TPCN2: variants seen among roughly 807,000 people sequenced by gnomAD.
The protein encoded by TPCN2 is two pore segment channel 2.
Under a neutral mutation model 111.4 loss-of-function variants are expected in TPCN2, and 92 were observed. That is an observed-to-expected ratio of 0.83 (90% CI 0.70 to 0.98). The LOEUF (loss-of-function observed/expected upper bound fraction) is 0.98, where lower values mean the gene tolerates loss of function less well. Ranked by LOEUF, TPCN2 falls within the 50% of genes least tolerant of loss-of-function variation. The pLI is 0.00. For synonymous variants in TPCN2, 405 were observed against 414.5 expected (o/e 0.98, Z 0.28); for missense variants, 995 against 980.1 (o/e 1.02, Z -0.20).
At chr11:69,085,343 G>GGGGGGGGGGGGGC in intron 20 of TPCN2, 57 bp downstream of exon 20, 4 of 581,792 alleles carry the variant, frequency 6.9e-6, no homozygotes, top group African/African-American at 1.9e-5. Context: ...GGGTGGGCGG[G>GGGGGGGGGGGGGC]AAGCCTTGGC....
intron 18 of TPCN2, among the ~76,000 whole-genome samples, chr11:69,082,701 TG>T (rs1246165385): frequency 4.2e-4 from 44 of 105,452 alleles, no homozygotes; most frequent in African/African-American, 1.5e-3. Flanking sequence ...TGATCGTGTG[TG>T]CACACATCGC....
intron 19 of TPCN2, chr11:69,084,582 C>T: frequency 1.0e-6 from 1 of 985,418 alleles, no homozygotes; most frequent in Non-Finnish European, 1.2e-6. Flanking sequence ...AGGCAGGCCC[C>T]AGATCCGCGC....
chr11:69,054,292 T>G, intron 2 of TPCN2, 195 bp downstream of exon 2: 1 of 599,270 alleles, frequency 1.7e-6, no homozygotes, highest in Non-Finnish European at 3.0e-6. Context: ...TGGACGCATT[T>G]GCTGCTTTGA....
At position 69,089,400 on chromosome 11, in the gene TPCN2, A is replaced by C. The variant is rs573797112; in HGVS notation, c.*1447A>C. Reference sequence around the variant, plus strand: ...TTGGGACGGCGTCCAACCCGCATTCATGTCAGGAGTGAGTCGCACGTGGCT... The same window carrying C: ...TTGGGACGGCGTCCAACCCGCATTCCTGTCAGGAGTGAGTCGCACGTGGCT... On this transcript the variant is annotated 3_prime_UTR_variant, in exon 25 of 25. Transcript: ENST00000294309. 2.4e-4 allele frequency: 36 copies of C among 152,344 alleles called. No individual in the cohort carries two copies. The highest frequency in any genetic ancestry group is 8.4e-4 in the African/African-American group (35 of 41,582). The allele number at this position is 152,344 out of a possible 1,614,324, so 9.4% of individuals were successfully genotyped here.
At chr11:69,054,591 C>G (rs529802562) in intron 2 of TPCN2, 130 bp from the exon 3 acceptor site, 13 of 845,312 alleles carry the variant, frequency 1.5e-5, no homozygotes, top group Admixed American at 1.0e-4. Flanking sequence ...CTGGCCATGT[C>G]CACACGCTGA....
In TPCN2 at chr11:69,071,394, T is replaced by A; in HGVS notation, c.934T>A (p.Tyr312Asn). 1 of 1,613,874 alleles carries A rather than the reference T, an allele frequency of 6.2e-7. No individual in the cohort carries two copies. Residue 312 changes from tyrosine (Y) to asparagine (N), a missense_variant, in exon 10 of 25, where the codon TAC becomes AAC. Coordinates refer to ENST00000294309, the MANE Select transcript of TPCN2 (RefSeq NM_139075.4). The part of the protein sequence containing the change: ...FLMNLLTAII[Y>N]SQFRGYLMKS... Reference sequence around the variant, plus strand: ...GATGAACCTGCTGACAGCCATCATCTACAGTCAGTTCCGGGGCTACCTGAT... The same window carrying A: ...GATGAACCTGCTGACAGCCATCATCAACAGTCAGTTCCGGGGCTACCTGAT...
At chr11:69,058,662 G>A (rs564161848) in intron 5 of TPCN2, among the ~76,000 whole-genome samples, 50 of 152,328 alleles carry the variant, frequency 3.3e-4, no homozygotes, top group African/African-American at 5.3e-4. Context: ...GGGCGGCATC[G>A]CAGCCCACAG....
chr11:69,074,428 T>C lies in TPCN2; in HGVS notation c.1230+1427T>C, dbSNP rs561628814. The stretch of plus-strand genomic sequence containing the variant: ...TGGGACAAGGCTGGGCAATGCGTTA[T>C]CAACTTAAGGTTGACTTGAAGATAC... On this transcript the variant is annotated intron_variant, in intron 13 of 24. Coordinates refer to ENST00000294309, the MANE Select transcript of TPCN2 (RefSeq NM_139075.4). Among the ~76,000 whole-genome samples, 8 of 152,276 alleles carry C rather than the reference T, an allele frequency of 5.3e-5. No individual in the cohort carries two copies. In the East Asian group the frequency reaches 9.7e-4, roughly 18 times the overall value.
intron 13 of TPCN2, among the ~76,000 whole-genome samples, chr11:69,074,919 G>A (rs1215907161): frequency 1.3e-5 from 2 of 152,198 alleles, no homozygotes; most frequent in African/African-American, 4.8e-5. Flanking sequence ...GTTGTCCAGA[G>A]CTGACTCTCC....
chr11:69,077,371 C>T (rs2924531), intron 13 of TPCN2, among the ~76,000 whole-genome samples: 29,738 of 59,786 alleles, frequency 0.5, 8,027 homozygotes, highest in South Asian at 0.63. Flanking sequence ...GTCCCTCCAC[C>T]TGCCCTCCTG....
chr11:69,063,828 G>A (rs576414099), intron 6 of TPCN2, 67 bp from the exon 7 acceptor site: 4 of 1,519,332 alleles, frequency 2.6e-6, no homozygotes, highest in Admixed American at 3.5e-5. Flanking sequence ...ACCGAGCCCT[G>A]CAGGCAGGTC....
At chr11:69,072,799 C>T in intron 12 of TPCN2, 91 bp downstream of exon 12, 1 of 1,552,684 alleles carries the variant, frequency 6.4e-7, no homozygotes, top group Non-Finnish European at 8.9e-7. Context: ...GGTGTGGCTT[C>T]AGGTCACCTG....
chr11:69,063,817 C>A, intron 6 of TPCN2, 78 bp from the exon 7 acceptor site: 2 of 1,422,326 alleles, frequency 1.4e-6, no homozygotes, highest in South Asian at 1.2e-5. Context: ...GCGCTCCTGT[C>A]ACCGAGCCCT....
chr11:69,087,733 G>A, intron 24 of TPCN2, 142 bp from the exon 25 acceptor site: 1 of 625,578 alleles, frequency 1.6e-6, no homozygotes, highest in Admixed American at 3.0e-5. Flanking sequence ...CCATCCTGAG[G>A]CTCATCTGAG....
At chr11:69,075,005 G>A (rs1855691848) in intron 13 of TPCN2, among the ~76,000 whole-genome samples, 1 of 152,212 alleles carries the variant, frequency 6.6e-6, no homozygotes, top group Non-Finnish European at 1.5e-5. Flanking sequence ...GAGGAAGGGC[G>A]GATGGATTGC....
At chr11:69,081,540 G>T (rs1251384283) in intron 18 of TPCN2, 41 bp downstream of exon 18, 1 of 1,448,674 alleles carries the variant, frequency 6.9e-7, no homozygotes, top group Admixed American at 2.0e-5. Flanking sequence ...ACCCTCCTGG[G>T]TCATGCTGCT....
At chr11:69,058,375 G>A (rs1246235775) in intron 5 of TPCN2, among the ~76,000 whole-genome samples, 6 of 152,108 alleles carry the variant, frequency 3.9e-5, no homozygotes, top group Admixed American at 6.5e-5. Context: ...GGCAGGGGAC[G>A]GGGGAGAGAT....
intron 10 of TPCN2, among the ~76,000 whole-genome samples, chr11:69,071,710 C>T (rs558175005): frequency 1.3e-5 from 2 of 152,214 alleles, no homozygotes; most frequent in East Asian, 3.9e-4. Flanking sequence ...CGCAGCACGC[C>T]CGTCAGACTC....
intron 4 of TPCN2, among the ~76,000 whole-genome samples, chr11:69,057,081 G>A (rs183457875): frequency 3.3e-5 from 5 of 152,046 alleles, no homozygotes; most frequent in East Asian, 3.8e-4. Context: ...TGAGTGATCC[G>A]CCCACCTCGG....
Sources: gnomAD v4.1 joint callset for allele counts (sites outside exome capture counted in the v4.1 genomes callset) on GRCh38, gnomAD v4.1.1 for gene constraint, MANE v1.5 for transcripts, NCBI Gene and HGNC (gene_info 2026-07-23, HGNC 2026-07-21) for gene names.